The following HEATR5A variants were observed in gnomAD, a reference collection of about 807,000 sequenced individuals.
HEATR5A encodes HEAT repeat containing 5A, also known as HEAT repeat-containing protein 5A.
A neutral mutation model predicts 218.8 loss-of-function variants in HEATR5A; 178 were observed. The observed-to-expected ratio is 0.81, with a 90% CI of 0.72 to 0.92. HEATR5A has a LOEUF of 0.92. Among genes scored for constraint, HEATR5A ranks in the 40% least tolerant of loss-of-function variants. The pLI, the probability that HEATR5A is intolerant of heterozygous loss-of-function variation, is 0.00. For synonymous variants in HEATR5A, 864 were observed against 871.6 expected (o/e 0.99, Z 0.15); for missense variants, 2,420 against 2,418.9 (o/e 1.00, Z -0.01).
intron 22 of HEATR5A, among the ~76,000 whole-genome samples, chr14:31,327,741 T>C (rs1252355139): frequency 6.6e-6 from 1 of 152,228 alleles, no homozygotes; most frequent in Non-Finnish European, 1.5e-5. Flanking sequence ...ACTAAGCTAT[T>C]GTGGACTACT....
intron 1 of HEATR5A, among the ~76,000 whole-genome samples, chr14:31,408,937 A>G: frequency 4.9e-5 from 1 of 20,510 alleles, no homozygotes; most frequent in Non-Finnish European, 1.5e-4. Context: ...TAAAAATACA[A>G]AAAATTAGCC....
intron 11 of HEATR5A, among the ~76,000 whole-genome samples, chr14:31,375,392 T>C (rs1358914946): frequency 2.6e-5 from 4 of 152,116 alleles, no homozygotes; most frequent in African/African-American, 4.8e-5. Flanking sequence ...ACAAACAACA[T>C]TGCATGCTTT....
At position 31,364,262 on chromosome 14, in the gene HEATR5A, C is replaced by G. The variant is rs1259287041; in HGVS notation, c.1998G>C (p.Leu666Phe). The G allele has an allele frequency of 6.5e-6, 10 of 1,548,764 alleles. No homozygotes were observed. The highest frequency in any genetic ancestry group is 8.8e-6 in the Non-Finnish European group (10 of 1,142,708). Residue 666 changes from leucine to phenylalanine, a missense_variant, in exon 14 of 36, where the codon TTG becomes TTC. Leu to Phe is a conservative substitution (Grantham distance 22, BLOSUM62 0). Transcript: ENST00000543095. Reference sequence around the variant, plus strand: ...GTCTATAAACCACTGACGGTGTTTTCAAAGGACTTCCATACATTTTTAGTA... The same window carrying G: ...GTCTATAAACCACTGACGGTGTTTTGAAAGGACTTCCATACATTTTTAGTA... ...SSILKMYGSP[L>F]KTPSVVYRQR...
intron 14 of HEATR5A, among the ~76,000 whole-genome samples, chr14:31,361,637 G>C (rs1160375128): frequency 6.6e-6 from 1 of 152,094 alleles, no homozygotes; most frequent in Non-Finnish European, 1.5e-5. Flanking sequence ...AATGCAAATA[G>C]GCTTTTGTAT....
intron 5 of HEATR5A, among the ~76,000 whole-genome samples, chr14:31,394,735 G>A (rs541151898): frequency 2.3e-4 from 35 of 152,028 alleles, no homozygotes; most frequent in South Asian, 4.1e-4. Context: ...GGAGAATGGC[G>A]TGAACCCGGG....
chr14:31,353,099 AT>A (rs1409450895), intron 16 of HEATR5A, among the ~76,000 whole-genome samples: 1 of 152,160 alleles, frequency 6.6e-6, no homozygotes, highest in South Asian at 2.1e-4. Context: ...AGAAAAGCAC[AT>A]TAAAAAAAAA....
In HEATR5A at chr14:31,304,852, T is replaced by C. The variant is rs1899504757; in HGVS notation, c.5239+53A>G. The C allele has an allele frequency of 4.4e-6, 7 of 1,577,578 alleles. No individual in the cohort carries two copies. In the South Asian group the frequency reaches 5.8e-5, roughly 13 times the overall value. ...ATTAGCAACTAGACTCCATTATCTA[T>C]TAAAACCATTTCTCTTCTAGGTCAA... On this transcript the variant is annotated intron_variant, in intron 32 of 35. Coordinates refer to ENST00000543095, the MANE Select transcript of HEATR5A (RefSeq NM_015473.4).
At chr14:31,360,756 A>G (rs941418843) in intron 14 of HEATR5A, among the ~76,000 whole-genome samples, 3 of 152,160 alleles carry the variant, frequency 2.0e-5, no homozygotes, top group African/African-American at 7.2e-5. Context: ...TGGTAGGATG[A>G]GTTAGGAAGG....
rs146354943 is a variant in HEATR5A at position 31,419,994 on chromosome 14, G to C, written c.-75+478C>G. On this transcript the variant is annotated intron_variant, in intron 1 of 35. Coordinates refer to ENST00000543095, the MANE Select transcript of HEATR5A (RefSeq NM_015473.4). ...GGCCTCTGAGGAAGCTCGCCCGAAG[G>C]CCGGGCCGGGGCCCGGCTCCTGGCT... Among the ~76,000 whole-genome samples, 1,491 of 152,320 alleles carry C rather than the reference G, an allele frequency of 9.8e-3. 24 individuals are homozygous for C. Among genetic ancestry groups the C allele is most frequent in the African/African-American group, 0.034 (1,411 of 41,570 alleles).
intron 13 of HEATR5A, 152 bp downstream of exon 13, chr14:31,371,658 C>A: frequency 4.7e-6 from 2 of 422,188 alleles, no homozygotes; most frequent in Non-Finnish European, 4.2e-6. Context: ...TAATTTCTTT[C>A]AAGATCCTAG....
intron 1 of HEATR5A, among the ~76,000 whole-genome samples, chr14:31,406,977 C>CAAAAAAAAAAAAAACAAAAAAAAAAA (rs2031086068): frequency 1.3e-5 from 1 of 74,622 alleles, no homozygotes; most frequent in Non-Finnish European, 2.4e-5. Flanking sequence ...ACCTCTGTCT[C>CAAAAAAAAAAAAAACAAAAAAAAAAA]AAAAAAAAAA....
intron 13 of HEATR5A, chr14:31,371,608 G>A: frequency 2.6e-6 from 1 of 381,564 alleles, no homozygotes. Context: ...TGTATGTAAG[G>A]TAGATTATTC....
chr14:31,348,714 A>G (rs1244411681), intron 18 of HEATR5A, among the ~76,000 whole-genome samples: 1 of 152,224 alleles, frequency 6.6e-6, no homozygotes, highest in Non-Finnish European at 1.5e-5. Flanking sequence ...TCATACTATT[A>G]TCAGTTCCTG....
chr14:31,306,273 T>C (rs1899553269), intron 31 of HEATR5A, among the ~76,000 whole-genome samples: 1 of 151,556 alleles, frequency 6.6e-6, no homozygotes, highest in African/African-American at 2.4e-5. Flanking sequence ...AGTCCAGGAG[T>C]TCGAGAGACC....
intron 11 of HEATR5A, among the ~76,000 whole-genome samples, chr14:31,376,773 G>C (rs946291657): frequency 1.3e-5 from 2 of 152,136 alleles, no homozygotes; most frequent in African/African-American, 4.8e-5. Flanking sequence ...GAAAAAAACA[G>C]AGAAGACATG....
At chr14:31,393,944 G>C in intron 6 of HEATR5A, 108 bp downstream of exon 6, 1 of 782,526 alleles carries the variant, frequency 1.3e-6, no homozygotes, top group South Asian at 2.0e-5. Context: ...CACCATGCCT[G>C]GCCTGAAATT....
intron 4 of HEATR5A, among the ~76,000 whole-genome samples, chr14:31,397,708 G>A (rs1266844342): frequency 1.3e-5 from 2 of 151,428 alleles, no homozygotes; most frequent in African/African-American, 4.9e-5. Context: ...ACCCAGGATG[G>A]AGTCCAGTGG....
At chr14:31,407,698 G>A (rs1000731080) in intron 1 of HEATR5A, among the ~76,000 whole-genome samples, 20 of 118,060 alleles carry the variant, frequency 1.7e-4, no homozygotes, top group African/African-American at 2.8e-4. Flanking sequence ...GTGCGATCTC[G>A]GCTCACTGCA....
chr14:31,383,818 C>G (rs958677808), intron 9 of HEATR5A, 47 bp from the exon 10 acceptor site: 1 of 1,518,002 alleles, frequency 6.6e-7, no homozygotes, highest in African/African-American at 1.4e-5. Context: ...ATAAAACTCA[C>G]CTGACCATAA....
Sources: gnomAD v4.1 joint callset for allele counts (sites outside exome capture counted in the v4.1 genomes callset) on GRCh38, gnomAD v4.1.1 for gene constraint, MANE v1.5 for transcripts, NCBI Gene and HGNC (gene_info 2026-07-23, HGNC 2026-07-21) for gene names.